The following GALNTL6 variants were observed in gnomAD, a reference collection of about 807,000 sequenced individuals.
The protein encoded by GALNTL6 is polypeptide N-acetylgalactosaminyltransferase like 6.
In GALNTL6, 46 loss-of-function variants were observed where a neutral mutation model predicts 73.7. The ratio of observed to expected loss-of-function variants is 0.62; its 90% confidence interval spans 0.49 to 0.80. The LOEUF (loss-of-function observed/expected upper bound fraction) is 0.80. Ranked by LOEUF, GALNTL6 falls within the 30% of genes least tolerant of loss-of-function variation. The probability of loss-of-function intolerance (pLI) is 0.00; values close to 1 mark genes in which losing one functional copy is unlikely to be tolerated. For missense variants in GALNTL6, 604 were observed against 755.0 expected (o/e 0.80, Z 2.34); for synonymous variants, 259 against 263.7 (o/e 0.98, Z 0.17).
At chr4:172,431,762 A>T (rs767630135) in intron 5 of GALNTL6, among the ~76,000 whole-genome samples, 3 of 152,162 alleles carry the variant, frequency 2.0e-5, no homozygotes, top group Non-Finnish European at 4.4e-5. Context: ...TTTCTTAAAA[A>T]TGGAAAAGTC....
chr4:172,283,356 C>G, intron 3 of GALNTL6, among the ~76,000 whole-genome samples: 1 of 152,044 alleles, frequency 6.6e-6, no homozygotes, highest in Non-Finnish European at 1.5e-5. Flanking sequence ...ATTAGATGTA[C>G]TAATAATAGG....
chr4:172,834,142 C>T (rs1256082561), intron 7 of GALNTL6, among the ~76,000 whole-genome samples: 3 of 151,986 alleles, frequency 2.0e-5, no homozygotes, highest in Non-Finnish European at 4.4e-5. Flanking sequence ...TAAAAATAAA[C>T]TCCCAAGAAT....
rs538068656 is a variant in GALNTL6, at chr4:173,005,703, T to C, written c.1372-3475T>C. ...AGAGAAGCAAGTGGGAATGGCTGGA[T>C]ACTAATCTTGAGGAAGAGCTGGATA... On this transcript the variant is annotated intron_variant, in intron 10 of 12. Coordinates refer to ENST00000506823, the MANE Select transcript of GALNTL6 (RefSeq NM_001034845.3). Among the ~76,000 whole-genome samples the C allele has an allele frequency of 2.0e-5, 3 of 152,278 alleles. No homozygotes were observed. The South Asian group carries it at 6.2e-4, about 32-fold the overall frequency.
chr4:172,927,067 A>C (rs749174933), intron 8 of GALNTL6, among the ~76,000 whole-genome samples: 24 of 152,180 alleles, frequency 1.6e-4, no homozygotes, highest in Non-Finnish European at 2.1e-4. Context: ...CCCCGTCCCC[A>C]TCCATTTAAT....
chr4:172,889,798 G>A (rs1370855188), intron 8 of GALNTL6, among the ~76,000 whole-genome samples: 2 of 152,026 alleles, frequency 1.3e-5, no homozygotes, highest in Admixed American at 1.3e-4. Context: ...GTCCTTCCTT[G>A]TTGATTTTTT....
rs569874264 is a variant in GALNTL6, at chr4:172,118,582, C to A, written c.139-111074C>A. 4.6e-5 allele frequency among the ~76,000 whole-genome samples: 7 copies of A among 152,080 alleles called. No individual in the cohort carries two copies. In the South Asian group the frequency reaches 1.2e-3, roughly 27 times the overall value. ...GGGCATGGTGGCATATGCCTGTAGT[C>A]CCAGCTACTCAGGAGGCTGAGGCAT... is the stretch of plus-strand genomic sequence containing the variant. On this transcript the variant is annotated intron_variant, in intron 2 of 12. Transcript: ENST00000506823.
At chr4:172,013,864 G>GC in intron 2 of GALNTL6, among the ~76,000 whole-genome samples, 3 of 129,838 alleles carry the variant, frequency 2.3e-5, no homozygotes, top group Non-Finnish European at 4.8e-5. Flanking sequence ...CAGCTCCTGA[G>GC]CCCCCCACTA....
Position 172,849,182 on chromosome 4 carries a change from T to C in GALNTL6, c.924-33608T>C, listed in dbSNP as rs150969173. Among the ~76,000 whole-genome samples the C allele has an allele frequency of 3.2e-3, 489 of 152,300 alleles. 5 individuals carry two copies. Among genetic ancestry groups the C allele is most frequent in the Admixed American group, 0.024 (367 of 15,286 alleles). ...GTAGGACAAGACAGATTTCAGTTCT[T>C]TCAATATAATCCTCTTTTTGTAAAA... On this transcript the variant is annotated intron_variant, in intron 7 of 12. Coordinates refer to ENST00000506823, the MANE Select transcript of GALNTL6 (RefSeq NM_001034845.3).
chr4:172,348,904 G>C (rs1741846072), intron 5 of GALNTL6, among the ~76,000 whole-genome samples: 1 of 152,188 alleles, frequency 6.6e-6, no homozygotes, highest in Non-Finnish European at 1.5e-5. Context: ...TAAGAAATTT[G>C]CATTACAATC....
chr4:171,893,037 G>GA (rs367858339), intron 2 of GALNTL6, among the ~76,000 whole-genome samples: 12 of 150,270 alleles, frequency 8.0e-5, no homozygotes, highest in South Asian at 6.3e-4. Flanking sequence ...TTTAGTGAAT[G>GA]AAAAAAAAAT....
At chr4:172,389,602 G>T (rs17224774) in intron 5 of GALNTL6, among the ~76,000 whole-genome samples, 3,570 of 152,184 alleles carry the variant, frequency 0.023, 76 homozygotes, top group Non-Finnish European at 0.032. Flanking sequence ...TCCAAGCTCA[G>T]TGTATTGGCT....
In GALNTL6 at chr4:172,488,269, C is replaced by T. The variant is rs144894207; in HGVS notation, c.553+139580C>T. Among the ~76,000 whole-genome samples, 104 of 152,286 alleles carry T rather than the reference C, an allele frequency of 6.8e-4. 1 individual carries two copies. The highest frequency in any genetic ancestry group is 2.5e-4 in the Non-Finnish European group (17 of 68,030). On this transcript the variant is annotated intron_variant, in intron 5 of 12. Transcript: ENST00000506823. Reference sequence around the variant, plus strand: ...TGATTACTACTGCTCCAGAACAGGCCTCCTCTAACTTATTTGATTATGCTC... The same window carrying T: ...TGATTACTACTGCTCCAGAACAGGCTTCCTCTAACTTATTTGATTATGCTC...
chr4:172,143,819 G>C (rs1733860277), intron 2 of GALNTL6, among the ~76,000 whole-genome samples: 1 of 152,064 alleles, frequency 6.6e-6, no homozygotes, highest in Admixed American at 6.6e-5. Flanking sequence ...TCTTCAAGTG[G>C]AGCATCATTT....
At chr4:172,496,607 C>T (rs1734080959) in intron 5 of GALNTL6, among the ~76,000 whole-genome samples, 1 of 152,122 alleles carries the variant, frequency 6.6e-6, no homozygotes, top group African/African-American at 2.4e-5. Flanking sequence ...CACTTGAACC[C>T]AGGAGTTCGA....
chr4:172,395,996 G>A lies in GALNTL6; in HGVS notation c.553+47307G>A, dbSNP rs187727107. Among the ~76,000 whole-genome samples the A allele has an allele frequency of 1.9e-3, 285 of 152,174 alleles. 2 individuals are homozygous for A. Among genetic ancestry groups the A allele is most frequent in the African/African-American group, 6.7e-3 (278 of 41,524 alleles). ...ATCAACGTGTACAGAAGCAGCAAGT[G>A]CTTAAATCATCCTAGTGCCCCTGCC... On this transcript the variant is annotated intron_variant, in intron 5 of 12. Transcript: ENST00000506823.
chr4:172,675,807 C>A (rs994399095), intron 5 of GALNTL6, among the ~76,000 whole-genome samples: 6 of 152,156 alleles, frequency 3.9e-5, no homozygotes, highest in African/African-American at 7.2e-5. Context: ...AATAAGGAAT[C>A]ACTATGCCCT....
chr4:172,052,658 T>C (rs921399587), intron 2 of GALNTL6: 13 of 571,826 alleles, frequency 2.3e-5, no homozygotes, highest in African/African-American at 2.3e-4. Context: ...CTTTCTTTTG[T>C]GATCACTTTT....
At chr4:171,915,127 T>G (rs1308557320) in intron 2 of GALNTL6, among the ~76,000 whole-genome samples, 1 of 152,132 alleles carries the variant, frequency 6.6e-6, no homozygotes, top group African/African-American at 2.4e-5. Context: ...TAAAATAAAT[T>G]TCCTATAAAA....
intron 2 of GALNTL6, among the ~76,000 whole-genome samples, chr4:171,835,628 C>T (rs768373724): frequency 6.6e-6 from 1 of 151,684 alleles, no homozygotes. Flanking sequence ...ATTTTTAAAG[C>T]AATTGACAGT....
Sources: gnomAD v4.1 joint callset for allele counts (sites outside exome capture counted in the v4.1 genomes callset) on GRCh38, gnomAD v4.1.1 for gene constraint, MANE v1.5 for transcripts, NCBI Gene and HGNC (gene_info 2026-07-23, HGNC 2026-07-21) for gene names.